The following ZBTB7C variants were observed in gnomAD, a reference collection of about 807,000 sequenced individuals.
ZBTB7C encodes zinc finger and BTB domain-containing protein 7C.
In ZBTB7C, 8 loss-of-function variants were observed where a neutral mutation model predicts 25.7. The observed-to-expected ratio is 0.31, with a 90% CI of 0.18 to 0.56. The LOEUF (loss-of-function observed/expected upper bound fraction) is 0.56. Among genes scored for constraint, ZBTB7C ranks in the 20% least tolerant of loss-of-function variants. The pLI, the probability that ZBTB7C is intolerant of heterozygous loss-of-function variation, is 0.91. For synonymous variants in ZBTB7C, 394 were observed against 369.0 expected (o/e 1.07, Z -0.78); for missense variants, 824 against 855.2 (o/e 0.96, Z 0.46).
chr18:48,264,604 G>A (rs2044259025), intron 2 of ZBTB7C, among the ~76,000 whole-genome samples: 1 of 152,122 alleles, frequency 6.6e-6, no homozygotes, highest in Non-Finnish European at 1.5e-5. Context: ...CTGGCTGCAG[G>A]GGTTCGGTTA....
chr18:48,152,521 A>C (rs1031439059), intron 3 of ZBTB7C, among the ~76,000 whole-genome samples: 3 of 152,250 alleles, frequency 2.0e-5, no homozygotes, highest in African/African-American at 7.2e-5. Flanking sequence ...ACAAATCTAC[A>C]TTTAACAAAT....
At chr18:48,320,439 C>T (rs556828351) in intron 2 of ZBTB7C, among the ~76,000 whole-genome samples, 15 of 152,252 alleles carry the variant, frequency 9.9e-5, no homozygotes, top group African/African-American at 2.4e-4. Flanking sequence ...TCCTGCTGTC[C>T]GCTGCGCCTA....
At chr18:48,222,838 G>A (rs1268083668) in intron 2 of ZBTB7C, among the ~76,000 whole-genome samples, 3 of 152,214 alleles carry the variant, frequency 2.0e-5, no homozygotes, top group Non-Finnish European at 4.4e-5. Flanking sequence ...AGCTCTGGAA[G>A]CCTTGCCTCC....
intron 3 of ZBTB7C, among the ~76,000 whole-genome samples, chr18:48,073,072 C>A (rs2037614044): frequency 6.6e-6 from 1 of 152,192 alleles, no homozygotes; most frequent in Non-Finnish European, 1.5e-5. Flanking sequence ...ATGTGGAAAC[C>A]AGGCCCAGTT....
Position 48,195,385 on chromosome 18 carries a change from G to A in ZBTB7C, c.-78-9390C>T, listed in dbSNP as rs151284933. On this transcript the variant is annotated intron_variant, in intron 2 of 4. Transcript: ENST00000590800. ...GGGCGGGTTTTCCCCTGCTATTCTC[G>A]TGATAGTGAATACGTCTCATGAGAT... 4.0e-3 allele frequency among the ~76,000 whole-genome samples: 616 copies of A among 152,258 alleles called. 2 individuals are homozygous for A. The highest frequency in any genetic ancestry group is 0.014 in the African/African-American group (579 of 41,546).
chr18:48,305,019 T>C (rs767852262), intron 2 of ZBTB7C, among the ~76,000 whole-genome samples: 1 of 152,086 alleles, frequency 6.6e-6, no homozygotes, highest in Non-Finnish European at 1.5e-5. Flanking sequence ...TGTGCTCTCA[T>C]TGATTGATTG....
chr18:48,219,196 C>T (rs1429920152), intron 2 of ZBTB7C, among the ~76,000 whole-genome samples: 1 of 152,170 alleles, frequency 6.6e-6, no homozygotes, highest in Non-Finnish European at 1.5e-5. Flanking sequence ...CTGCCCATGG[C>T]AGCAGAAGTA....
chr18:48,038,535 TAGAGGACTC>T (rs2036073884), intron 4 of ZBTB7C, among the ~76,000 whole-genome samples: 1 of 151,722 alleles, frequency 6.6e-6, no homozygotes, highest in Admixed American at 6.6e-5. Context: ...CTCATGACTT[TAGAGGACTC>T]ATCTTTTTTT....
At chr18:48,328,925 C>T (rs2046286122) in intron 2 of ZBTB7C, among the ~76,000 whole-genome samples, 1 of 152,194 alleles carries the variant, frequency 6.6e-6, no homozygotes, top group Admixed American at 6.5e-5. Context: ...GACAAGTGTT[C>T]ATTTAAAGAT....
intron 1 of ZBTB7C, among the ~76,000 whole-genome samples, chr18:48,388,392 A>G (rs1568417445): frequency 6.6e-6 from 1 of 152,130 alleles, no homozygotes; most frequent in Non-Finnish European, 1.5e-5. Context: ...GTCAGGAATT[A>G]TGTCCTATGT....
intron 2 of ZBTB7C, among the ~76,000 whole-genome samples, chr18:48,207,562 C>T (rs1052747942): frequency 6.7e-6 from 1 of 150,088 alleles, no homozygotes; most frequent in Non-Finnish European, 1.5e-5. Context: ...TATCTATCCA[C>T]TGCCTATCAT....
chr18:48,401,045 G>C (rs991398317), intron 1 of ZBTB7C, among the ~76,000 whole-genome samples: 4 of 152,120 alleles, frequency 2.6e-5, no homozygotes, highest in Non-Finnish European at 4.4e-5. Flanking sequence ...TTTAACAAGT[G>C]CATCTCTCCT....
intron 1 of ZBTB7C, among the ~76,000 whole-genome samples, chr18:48,355,708 C>T (rs1170067347): frequency 6.6e-6 from 1 of 152,196 alleles, no homozygotes; most frequent in African/African-American, 2.4e-5. Flanking sequence ...GCTGCCTCAT[C>T]CATAGCCTCC....
chr18:48,094,045 C>T lies in ZBTB7C; in HGVS notation c.-16-52922G>A, dbSNP rs550940002. 1.7e-3 allele frequency among the ~76,000 whole-genome samples: 262 copies of T among 152,136 alleles called. 1 individual carries two copies. Among genetic ancestry groups the T allele is most frequent in the African/African-American group, 5.7e-3 (236 of 41,504 alleles). On this transcript the variant is annotated intron_variant, in intron 3 of 4. Coordinates refer to ENST00000590800, the MANE Select transcript of ZBTB7C (RefSeq NM_001318841.2). ...CTGCACTCCAGCCTGGGCGACAGAG[C>T]GAGACTCCATCTCAAAAAAAAGAGA...
intron 2 of ZBTB7C, among the ~76,000 whole-genome samples, chr18:48,222,110 C>T (rs1356233398): frequency 6.6e-6 from 1 of 151,844 alleles, no homozygotes; most frequent in African/African-American, 2.4e-5. Context: ...CTGTCCTAAT[C>T]TCCCCTCTAT....
At chr18:48,099,859 C>T (rs367844568) in intron 3 of ZBTB7C, among the ~76,000 whole-genome samples, 5 of 152,210 alleles carry the variant, frequency 3.3e-5, no homozygotes, top group African/African-American at 1.2e-4. Flanking sequence ...TCACTTAAGA[C>T]AAACCTAATA....
At chr18:48,254,457 G>A (rs1215194841) in intron 2 of ZBTB7C, among the ~76,000 whole-genome samples, 1 of 152,212 alleles carries the variant, frequency 6.6e-6, no homozygotes, top group African/African-American at 2.4e-5. Context: ...TGGGCCCTAT[G>A]TAAATCAGGC....
At chr18:48,134,301 A>T (rs1052385546) in intron 3 of ZBTB7C, among the ~76,000 whole-genome samples, 11 of 152,260 alleles carry the variant, frequency 7.2e-5, no homozygotes, top group Non-Finnish European at 4.4e-5. Context: ...TTCAGGATGG[A>T]AGGAGAGTTA....
chr18:48,184,858 T>C (rs890043060), intron 3 of ZBTB7C, among the ~76,000 whole-genome samples: 2 of 151,632 alleles, frequency 1.3e-5, no homozygotes, highest in African/African-American at 4.8e-5. Context: ...TCTCATTCCC[T>C]CTCTCTCTCT....
Sources: allele counts gnomAD v4.1 joint callset (sites outside exome capture counted in the v4.1 genomes callset), GRCh38; gene constraint gnomAD v4.1.1; transcripts MANE v1.5; gene names NCBI Gene and HGNC (gene_info 2026-07-23, HGNC 2026-07-21).